Variants in RAP1GAP observed in about 807,000 individuals in gnomAD.
The protein encoded by RAP1GAP is RAP1 GTPase activating protein.
RAP1GAP carries 35 observed loss-of-function variants against 87.2 expected under a neutral mutation model. The ratio of observed to expected loss-of-function variants is 0.40; its 90% confidence interval spans 0.31 to 0.53. The LOEUF (loss-of-function observed/expected upper bound fraction) is 0.53, where lower values mean the gene tolerates loss of function less well. Ranked by LOEUF, RAP1GAP falls within the 20% of genes least tolerant of loss-of-function variation. The pLI is 0.48. For synonymous variants in RAP1GAP, 375 were observed against 363.9 expected, an observed-to-expected ratio of 1.03 and a Z score of -0.35; for missense variants, 734 against 898.9, an observed-to-expected ratio of 0.82 and a Z score of 2.35.
chr1:21,644,817 C>T (rs1336030760), intron 2 of RAP1GAP, among the ~76,000 whole-genome samples: 1 of 149,444 alleles, frequency 6.7e-6, no homozygotes, highest in East Asian at 2.0e-4. Context: ...CAGAGAATTG[C>T]TTGAACCACG....
At chr1:21,651,789 C>T (rs1277367116) in intron 1 of RAP1GAP, 15 of 1,398,704 alleles carry the variant, frequency 1.1e-5, no homozygotes, top group Admixed American at 2.9e-5. Context: ...CCGCCGTAGG[C>T]CCCGAAGGTG....
chr1:21,665,057 T>C (rs1251735901), intron 1 of RAP1GAP, among the ~76,000 whole-genome samples: 1 of 152,212 alleles, frequency 6.6e-6, no homozygotes, highest in Non-Finnish European at 1.5e-5. Context: ...CTATGTCCTT[T>C]TAGACCCAGC....
Position 21,608,221 on chromosome 1 carries a change from A to G in RAP1GAP, c.1288T>C (p.Ser430Pro). 1 of 1,613,770 alleles carries G rather than the reference A, an allele frequency of 6.2e-7. No individual in the cohort carries two copies. Among genetic ancestry groups the G allele is most frequent in the Non-Finnish European group, 8.5e-7 (1 of 1,179,856 alleles). The change falls in exon 17 of 25, where the codon TCT becomes CCT. Residue 430 changes from serine (S) to proline (P), a missense_variant. Ser to Pro is a moderately conservative substitution (Grantham distance 74). This residue lies in a region of RAP1GAP where 485 missense variants were observed against 646.2 expected (regional missense o/e 0.75). Transcript: ENST00000374765. ...GACCTGGGGCCCTTCACCTTGAAAG[A>G]CTCAAAGAAGCCGCCGCCCCCACTG... ...NGSGGGGFFE[S>P]FKRVIRSRSQ...
chr1:21,624,678 C>T (rs1426120791), intron 3 of RAP1GAP, among the ~76,000 whole-genome samples: 2 of 152,052 alleles, frequency 1.3e-5, no homozygotes, highest in African/African-American at 2.4e-5. Context: ...GGTGGGCTGT[C>T]GGGAAGGGAA....
At chr1:21,604,765 A>G (rs1328616590) in intron 18 of RAP1GAP, among the ~76,000 whole-genome samples, 1 of 133,814 alleles carries the variant, frequency 7.5e-6, no homozygotes, top group Non-Finnish European at 1.6e-5. Flanking sequence ...TGCAGTAGAC[A>G]GTCAATAAAG....
rs552340137 is a variant in RAP1GAP at position 21,633,504 on chromosome 1, C to T, written c.-112-7107G>A. ...GCCAGGGCAGGTGGTACAGGACCAT[C>T]AAGGCAAGAAGGCTGGGACCGGGAG... On this transcript the variant is annotated intron_variant, in intron 2 of 24. Coordinates refer to ENST00000374765, the MANE Select transcript of RAP1GAP (RefSeq NM_002885.4). Among the ~76,000 whole-genome samples the T allele has an allele frequency of 2.2e-4, 33 of 152,244 alleles. No homozygotes were observed. The South Asian group carries it at 6.6e-3, about 31-fold the overall frequency.
Position 21,611,704 on chromosome 1 carries a change from C to A in RAP1GAP, c.713+12G>T. 5 of 1,612,342 alleles carry A rather than the reference C, an allele frequency of 3.1e-6. No homozygotes were observed. The highest frequency in any genetic ancestry group is 3.4e-6 in the Non-Finnish European group (4 of 1,178,380). On this transcript the variant is annotated intron_variant, in intron 12 of 24. Transcript: ENST00000374765. ...TCAGATTACACTCTGCTCAGCCCAC[C>A]CTAATACTCACCCCTTAAAGTCCTG...
At chr1:21,654,653 T>C (rs2096787038) in intron 1 of RAP1GAP, among the ~76,000 whole-genome samples, 1 of 151,514 alleles carries the variant, frequency 6.6e-6, no homozygotes, top group Admixed American at 6.6e-5. Flanking sequence ...GGCAACATAG[T>C]GAGACCTGTC....
In RAP1GAP at chr1:21,613,488, A is replaced by C; in HGVS notation, c.474+140T>G. 1 of 850,778 alleles carries C rather than the reference A, an allele frequency of 1.2e-6. No individual in the cohort carries two copies. 52.7% of individuals were successfully genotyped at this position (850,778 alleles called of 1,614,324 possible). A position where few individuals can be genotyped will look rare whatever the true frequency, so the allele number is the denominator to read the frequency against. On this transcript the variant is annotated intron_variant, in intron 9 of 24. Transcript: ENST00000374765. This position sits in a 1 kb window ranked among gnomAD's most constrained non-coding sequence, Gnocchi z 4.7. The stretch of plus-strand genomic sequence containing the variant: ...GGCAGCCCAAGACACGATGGGAACA[A>C]GTGAGAGACAGCCTCAGGATAGGGC...
chr1:21,613,106 T>C lies in RAP1GAP; in HGVS notation c.528+70A>G, dbSNP rs184098796. On this transcript the variant is annotated intron_variant, in intron 10 of 24. Coordinates refer to ENST00000374765, the MANE Select transcript of RAP1GAP (RefSeq NM_002885.4). The surrounding 1 kb of genome is among the most constrained non-coding windows in gnomAD (Gnocchi z 4.7). Reference sequence around the variant, plus strand: ...GGGAAAGTATCTGGCACACAGAAGGTGCTTAATAAATGCTCAGTCTTCCAG... The same window carrying C: ...GGGAAAGTATCTGGCACACAGAAGGCGCTTAATAAATGCTCAGTCTTCCAG... 1.4e-4 allele frequency: 200 copies of C among 1,434,276 alleles called. 2 individuals carry two copies. The East Asian group carries it at 2.6e-3, about 19-fold the overall frequency. 88.8% of individuals were successfully genotyped at this position (1,434,276 alleles called of 1,614,324 possible).
intron 1 of RAP1GAP, among the ~76,000 whole-genome samples, chr1:21,654,283 G>A (rs1024168422): frequency 4.6e-5 from 7 of 152,178 alleles, no homozygotes; most frequent in African/African-American, 1.7e-4. Flanking sequence ...GAATGGCAAG[G>A]ACAATGGACA....
chr1:21,643,012 A>C (rs1408193316), intron 2 of RAP1GAP, among the ~76,000 whole-genome samples: 1 of 151,932 alleles, frequency 6.6e-6, no homozygotes, highest in Non-Finnish European at 1.5e-5. Context: ...AGATCTCAGC[A>C]ACCCTCACAT....
At chr1:21,649,818 C>T in intron 1 of RAP1GAP, 22 bp from the exon 2 acceptor site, 2 of 1,551,366 alleles carry the variant, frequency 1.3e-6, no homozygotes, top group Non-Finnish European at 8.7e-7. Context: ...CAAGAGGGGC[C>T]ATAGGTGAGG....
intron 1 of RAP1GAP, among the ~76,000 whole-genome samples, chr1:21,660,063 C>A (rs2097058674): frequency 1.3e-5 from 2 of 151,970 alleles, no homozygotes; most frequent in South Asian, 4.2e-4. Context: ...TATCCTCGGG[C>A]TTGAATGCCT....
intron 1 of RAP1GAP, among the ~76,000 whole-genome samples, chr1:21,652,196 C>T (rs1333914180): frequency 6.6e-6 from 1 of 151,254 alleles, no homozygotes; most frequent in Non-Finnish European, 1.5e-5. Flanking sequence ...CCGCGCTCCT[C>T]GGCGGATCCG....
intron 18 of RAP1GAP, among the ~76,000 whole-genome samples, chr1:21,604,803 G>A (rs114523696): frequency 0.012 from 1,828 of 151,476 alleles, 35 homozygotes; most frequent in African/African-American, 0.042. Context: ...ATGGATCGGT[G>A]GGTGGGTGGA....
rs142315549 is a variant in RAP1GAP, at chr1:21,609,562, G to T, written c.1071+13C>A. On this transcript the variant is annotated intron_variant, in intron 15 of 24. Coordinates refer to ENST00000374765, the MANE Select transcript of RAP1GAP (RefSeq NM_002885.4). The surrounding 1 kb of genome is among the most constrained non-coding windows in gnomAD (Gnocchi z 4.4). ...TGTCCTGCTCTGCCCATGACTGGGGGGGTGCCCCTCACCTTCCTGAACACA... is the reference window on the plus strand; with the variant it reads ...TGTCCTGCTCTGCCCATGACTGGGGTGGTGCCCCTCACCTTCCTGAACACA... 6.1e-6 allele frequency: 9 copies of T among 1,487,064 alleles called. 1 individual carries two copies. Among genetic ancestry groups the T allele is most frequent in the Non-Finnish European group, 8.2e-6 (9 of 1,098,716 alleles). The allele number at this position is 1,487,064 out of a possible 1,614,324, so 92.1% of individuals were successfully genotyped here.
intron 4 of RAP1GAP, 30 bp from the exon 5 acceptor site, chr1:21,619,102 T>G: frequency 1.3e-6 from 2 of 1,576,748 alleles, no homozygotes; most frequent in Non-Finnish European, 8.6e-7. Flanking sequence ...TGTTACACCC[T>G]CCCAGGCCTG....
At chr1:21,662,552 A>G (rs1347120575) in intron 1 of RAP1GAP, among the ~76,000 whole-genome samples, 1 of 152,060 alleles carries the variant, frequency 6.6e-6, no homozygotes, top group Non-Finnish European at 1.5e-5. Flanking sequence ...ACTGGGCCCC[A>G]GGGATAGGCC....
Sources: gnomAD v4.1 joint callset for allele counts (sites outside exome capture counted in the v4.1 genomes callset) on GRCh38, gnomAD v4.1.1 for gene constraint, gnomAD v4.1.1 regional missense constraint, Gnocchi (gnomAD v3.1) non-coding constraint, MANE v1.5 for transcripts, NCBI Gene and HGNC (gene_info 2026-07-23, HGNC 2026-07-21) for gene names.